CYTH1: variants seen among roughly 807,000 people sequenced by gnomAD.
CYTH1 encodes cytohesin 1, also known as cytohesin-1.
In CYTH1, 18 loss-of-function variants were observed where a neutral mutation model predicts 61.8. The ratio of observed to expected loss-of-function variants is 0.29; its 90% CI spans 0.20 to 0.43. The LOEUF (loss-of-function observed/expected upper bound fraction) is 0.43. Among genes scored for constraint, CYTH1 ranks in the 20% least tolerant of loss-of-function variants. The pLI, the probability that CYTH1 is intolerant of heterozygous loss-of-function variation, is 1.00. For missense variants in CYTH1, 336 were observed against 510.5 expected, an observed-to-expected ratio of 0.66 and a Z score of 3.29; for synonymous variants, 174 against 184.3, an observed-to-expected ratio of 0.94 and a Z score of 0.45.
intron 1 of CYTH1, among the ~76,000 whole-genome samples, chr17:78,718,606 C>T (rs940587227): frequency 6.6e-6 from 1 of 152,184 alleles, no homozygotes; most frequent in Non-Finnish European, 1.5e-5. Flanking sequence ...TCTGCACTAC[C>T]CTATGGGTGT....
chr17:78,678,905 G>C (rs2092729125), intron 13 of CYTH1, among the ~76,000 whole-genome samples: 1 of 152,260 alleles, frequency 6.6e-6, no homozygotes, highest in Admixed American at 6.5e-5. Context: ...AGGAGTCTCA[G>C]CGCAGCGTGA....
chr17:78,686,006 C>A (rs192847837), intron 11 of CYTH1, among the ~76,000 whole-genome samples: 2 of 152,214 alleles, frequency 1.3e-5, no homozygotes, highest in Admixed American at 6.5e-5. Flanking sequence ...TCCTGAAATA[C>A]GGTGTCTTCT....
chr17:78,771,768 A>T (rs1360150022), intron 1 of CYTH1, among the ~76,000 whole-genome samples: 5 of 151,886 alleles, frequency 3.3e-5, no homozygotes, highest in African/African-American at 4.8e-5. Context: ...AAAGGTGGAA[A>T]ATATAAAGAC....
At chr17:78,746,555 T>C (rs1200281239) in intron 1 of CYTH1, among the ~76,000 whole-genome samples, 1 of 152,210 alleles carries the variant, frequency 6.6e-6, no homozygotes, top group Non-Finnish European at 1.5e-5. Flanking sequence ...CCTGAGATTC[T>C]CTTACTTTCC....
rs2093419493 is a variant in CYTH1, at chr17:78,760,423, ATACACATACATATATATATG to A, written c.22+21759_22+21778del. On this transcript the variant is annotated intron_variant, in intron 1 of 13. Transcript: ENST00000446868. ...TATATATATGTGTATATATATATAT[ATACACATACATATATATATG>A]TATATATATATACATACATATATAT... Among the ~76,000 whole-genome samples, 6 of 72,604 alleles carry A rather than the reference ATACACATACATATATATATG, an allele frequency of 8.3e-5. 1 individual carries two copies. The South Asian group carries it at 1.3e-3, about 15-fold the overall frequency. The allele number at this position is 72,604 out of a possible 152,430, so 47.6% of individuals were successfully genotyped here.
intron 1 of CYTH1, among the ~76,000 whole-genome samples, chr17:78,771,301 A>G (rs968212226): frequency 6.6e-6 from 1 of 152,122 alleles, no homozygotes; most frequent in Non-Finnish European, 1.5e-5. Flanking sequence ...TAAGCCAGGT[A>G]CAGTGGCACA....
rs945711288 is a variant in CYTH1, at chr17:78,709,304, C to T, written c.105+346G>A. 5 of 220,512 alleles carry T rather than the reference C, an allele frequency of 2.3e-5. No individual in the cohort carries two copies. In the South Asian group the frequency reaches 5.3e-4, roughly 23 times the overall value. The allele number at this position is 220,512 out of a possible 1,614,324, so 13.7% of individuals were successfully genotyped here. A position where few individuals can be genotyped will look rare whatever the true frequency, so the allele number is the denominator to read the frequency against. On this transcript the variant is annotated intron_variant, in intron 2 of 13. Coordinates refer to ENST00000446868, the MANE Select transcript of CYTH1 (RefSeq NM_004762.6). Reference sequence around the variant, plus strand: ...CAGAGCCAGGGCGTGGGCCGAGCTTCGCCTGAAGCCCACATTCTCATTGCC... The same window carrying T: ...CAGAGCCAGGGCGTGGGCCGAGCTTTGCCTGAAGCCCACATTCTCATTGCC...
intron 1 of CYTH1, among the ~76,000 whole-genome samples, chr17:78,751,809 T>C (rs2093381424): frequency 6.6e-6 from 1 of 152,222 alleles, no homozygotes. Context: ...TTCATCTTTT[T>C]TGTTTTTTGT....
At chr17:78,722,986 G>A (rs1182872846) in intron 1 of CYTH1, among the ~76,000 whole-genome samples, 1 of 152,188 alleles carries the variant, frequency 6.6e-6, no homozygotes, top group Admixed American at 6.5e-5. Flanking sequence ...CTAAGTCTCA[G>A]GCTTAGAAGA....
rs372973945 is a variant in CYTH1, at chr17:78,755,415, G to A, written c.22+26787C>T. Among the ~76,000 whole-genome samples, 7 of 148,796 alleles carry A rather than the reference G, an allele frequency of 4.7e-5. No homozygotes were observed. In the South Asian group the frequency reaches 1.5e-3, roughly 32 times the overall value. On this transcript the variant is annotated intron_variant, in intron 1 of 13. Transcript: ENST00000446868. The stretch of plus-strand genomic sequence containing the variant: ...TCCCAAGTGCTGGGATTACAGGCGT[G>A]AGCCACCACGCCCAGCCTCAAACAC...
At chr17:78,710,827 G>C (rs1447411683) in intron 1 of CYTH1, among the ~76,000 whole-genome samples, 3 of 152,158 alleles carry the variant, frequency 2.0e-5, no homozygotes, top group African/African-American at 7.2e-5. Context: ...TCAAGGGTAG[G>C]GGTGGTTTGA....
Position 78,676,173 on chromosome 17 carries a change from G to C in CYTH1, c.1119-4C>G. The C allele has an allele frequency of 6.2e-7, 1 of 1,605,002 alleles. No individual in the cohort carries two copies. Among genetic ancestry groups the C allele is most frequent in the East Asian group, 2.2e-5 (1 of 44,716 alleles). On this transcript the variant is annotated splice_region_variant and splice_polypyrimidine_tract_variant and intron_variant, in intron 13 of 13. Transcript: ENST00000446868. ...AGGGTCCCTGCTGATGGCTGCTCTGGAGCACAGAAAAGGGAGAAAACAGAG... is the reference window on the plus strand; with the variant it reads ...AGGGTCCCTGCTGATGGCTGCTCTGCAGCACAGAAAAGGGAGAAAACAGAG...
chr17:78,679,635 A>G (rs1449874689), intron 13 of CYTH1, among the ~76,000 whole-genome samples: 13 of 152,216 alleles, frequency 8.5e-5, no homozygotes, highest in Admixed American at 7.9e-4. Flanking sequence ...TGGAGCCAAC[A>G]GAGCCGAGAG....
At chr17:78,724,066 G>A (rs1301846475) in intron 1 of CYTH1, 1 of 152,226 alleles carries the variant, frequency 6.6e-6, no homozygotes, top group African/African-American at 2.4e-5. Flanking sequence ...CTTCACCAGA[G>A]GCTGTGGCAT....
chr17:78,692,618 C>A, intron 10 of CYTH1, 125 bp from the exon 11 acceptor site: 1 of 780,520 alleles, frequency 1.3e-6, no homozygotes, highest in Non-Finnish European at 2.1e-6. Flanking sequence ...AACGTGGAGC[C>A]CACAACATTG....
intron 1 of CYTH1, among the ~76,000 whole-genome samples, chr17:78,741,440 G>A (rs1175757736): frequency 6.6e-6 from 1 of 152,146 alleles, no homozygotes. Context: ...GGGAAGGTTT[G>A]TTTTTTGAAA....
At chr17:78,741,972 C>T (rs553809268) in intron 1 of CYTH1, among the ~76,000 whole-genome samples, 2 of 152,280 alleles carry the variant, frequency 1.3e-5, no homozygotes, top group South Asian at 4.1e-4. Context: ...AGAAAGAACC[C>T]TAAGGTTGGA....
At chr17:78,736,975 T>C (rs1031422267) in intron 1 of CYTH1, 1 of 156,604 alleles carries the variant, frequency 6.4e-6, no homozygotes, top group Non-Finnish European at 1.4e-5. Context: ...GTTCCTGAAG[T>C]CGAGCTCAAG....
chr17:78,747,145 CAAAA>C (rs56201341), intron 1 of CYTH1, among the ~76,000 whole-genome samples: 3 of 57,834 alleles, frequency 5.2e-5, no homozygotes, highest in African/African-American at 7.3e-5. Flanking sequence ...ATGGCAGCGC[CAAAA>C]AAAAAAAAAA....
Sources: allele counts gnomAD v4.1 joint callset (sites outside exome capture counted in the v4.1 genomes callset), GRCh38; gene constraint gnomAD v4.1.1; transcripts MANE v1.5; gene names NCBI Gene and HGNC (gene_info 2026-07-23, HGNC 2026-07-21).